Variants in DESI2 observed in about 807,000 individuals in gnomAD.
DESI2 encodes desumoylating isopeptidase 2, also known as deubiquitinase DESI2.
DESI2 carries 10 observed loss-of-function variants against 24.1 expected under a neutral mutation model. That is an observed-to-expected ratio of 0.41 (90% confidence interval 0.26 to 0.70). DESI2 has a LOEUF of 0.70. Ranked by LOEUF, DESI2 falls within the 30% of genes least tolerant of loss-of-function variation. DESI2 has a pLI of 0.29. For missense variants in DESI2, 122 were observed against 234.9 expected (o/e 0.52, Z 3.14); for synonymous variants, 71 against 87.7 (o/e 0.81, Z 1.06).
Position 244,706,072 on chromosome 1 carries a change from C to G in DESI2, c.*283C>G. ...CTCTGTTAAGTTATGTTTACAGTAT[C>G]TTGTATCGCTGTTTACAAATCTTGC... On this transcript the variant is annotated 3_prime_UTR_variant, in exon 5 of 5. Coordinates refer to ENST00000302550, the MANE Select transcript of DESI2 (RefSeq NM_016076.5). 3.0e-6 allele frequency: 1 copy of G among 337,116 alleles called. No individual in the cohort carries two copies. The highest frequency in any genetic ancestry group is 5.5e-6 in the Non-Finnish European group (1 of 180,986). The allele number at this position is 337,116 out of a possible 1,614,324, so 20.9% of individuals were successfully genotyped here. A position where few individuals can be genotyped will look rare whatever the true frequency, so the allele number is the denominator to read the frequency against.
chr1:244,698,600 C>A (rs551626699), intron 4 of DESI2, among the ~76,000 whole-genome samples: 378 of 152,314 alleles, frequency 2.5e-3, no homozygotes, highest in African/African-American at 8.2e-3. Flanking sequence ...ATCCTAGTTG[C>A]TTGGACTTGA....
intron 1 of DESI2, among the ~76,000 whole-genome samples, chr1:244,658,820 A>G (rs535844465): frequency 2.5e-3 from 383 of 152,294 alleles, no homozygotes; most frequent in African/African-American, 8.3e-3. Context: ...GGGGAGGATT[A>G]TAGGAATGGG....
At position 244,669,347 on chromosome 1, in the gene DESI2, A is replaced by C. The variant is rs113232950; in HGVS notation, c.42+15992A>C. On this transcript the variant is annotated intron_variant, in intron 1 of 4. Transcript: ENST00000302550. The stretch of plus-strand genomic sequence containing the variant: ...TACATTTTACTTTCTTCTTTTCAGA[A>C]TCTTAATAAGAAAACCTTTTTATTC... Among the ~76,000 whole-genome samples, 681 of 152,128 alleles carry C rather than the reference A, an allele frequency of 4.5e-3. 6 individuals carry two copies. The highest frequency in any genetic ancestry group is 0.016 in the African/African-American group (660 of 41,520).
At chr1:244,660,043 C>A (rs897863790) in intron 1 of DESI2, among the ~76,000 whole-genome samples, 2 of 152,214 alleles carry the variant, frequency 1.3e-5, no homozygotes, top group Non-Finnish European at 2.9e-5. Context: ...TCCATGGTCA[C>A]ATTTATAATG....
At chr1:244,671,994 A>G (rs957009108) in intron 1 of DESI2, among the ~76,000 whole-genome samples, 1 of 152,198 alleles carries the variant, frequency 6.6e-6, no homozygotes, top group African/African-American at 2.4e-5. Context: ...GATAAAACCA[A>G]GTTACATGAT....
At chr1:244,677,169 CAGTGA>C (rs1676442207) in intron 1 of DESI2, among the ~76,000 whole-genome samples, 1 of 152,078 alleles carries the variant, frequency 6.6e-6, no homozygotes, top group African/African-American at 2.4e-5. Flanking sequence ...TAGAATTTGC[CAGTGA>C]AGTCCCCTGG....
chr1:244,693,723 G>A (rs532261499), intron 4 of DESI2, among the ~76,000 whole-genome samples: 73 of 152,332 alleles, frequency 4.8e-4, no homozygotes, highest in African/African-American at 1.7e-3. Flanking sequence ...GAGCCACGGC[G>A]CCCAGCCTAA....
chr1:244,670,021 A>G (rs1279308919), intron 1 of DESI2, among the ~76,000 whole-genome samples: 1 of 151,932 alleles, frequency 6.6e-6, no homozygotes. Flanking sequence ...CGATGGCACA[A>G]TCTTGGCTCA....
At chr1:244,653,764 C>T (rs1675547595) in intron 1 of DESI2, 3 of 338,448 alleles carry the variant, frequency 8.9e-6, no homozygotes, top group South Asian at 7.2e-5. Context: ...TCCTCTGCTT[C>T]TGCCGAACTG....
chr1:244,678,261 T>C lies in DESI2; in HGVS notation c.43-8336T>C, dbSNP rs1676482976. Among the ~76,000 whole-genome samples, 3 of 152,224 alleles carry C rather than the reference T, an allele frequency of 2.0e-5. No homozygotes were observed. In the South Asian group the frequency reaches 6.2e-4, roughly 31 times the overall value. On this transcript the variant is annotated intron_variant, in intron 1 of 4. Transcript: ENST00000302550. ...TATTTCTCTTGCTTTTAAGTTTCTTTTTACAGTTTTCCCCTTTATAAAATG... is the reference window on the plus strand; with the variant it reads ...TATTTCTCTTGCTTTTAAGTTTCTTCTTACAGTTTTCCCCTTTATAAAATG...
chr1:244,686,535 T>A, intron 1 of DESI2, 62 bp from the exon 2 acceptor site: 2 of 1,022,150 alleles, frequency 2.0e-6, no homozygotes, highest in East Asian at 4.8e-5. Context: ...GTCACTTCTG[T>A]AGCGCGGAGT....
chr1:244,686,720 A>T (rs754983467), intron 2 of DESI2, 51 bp downstream of exon 2: 2 of 1,176,364 alleles, frequency 1.7e-6, no homozygotes, highest in Admixed American at 1.8e-5. Context: ...TGTACTTTAA[A>T]AGAGTTGCAA....
At chr1:244,701,056 A>G (rs1677431470) in intron 4 of DESI2, among the ~76,000 whole-genome samples, 1 of 152,172 alleles carries the variant, frequency 6.6e-6, no homozygotes, top group Non-Finnish European at 1.5e-5. Flanking sequence ...ACAACAATAG[A>G]GGGAAGAACT....
At chr1:244,694,064 T>C (rs1379365559) in intron 4 of DESI2, among the ~76,000 whole-genome samples, 3 of 152,232 alleles carry the variant, frequency 2.0e-5, no homozygotes, top group African/African-American at 7.2e-5. Context: ...CATAAGCAGT[T>C]GCAAATAAGC....
chr1:244,686,994 A>G (rs1463700578), intron 2 of DESI2, among the ~76,000 whole-genome samples: 1 of 152,084 alleles, frequency 6.6e-6, no homozygotes, highest in Non-Finnish European at 1.5e-5. Context: ...TATATATTGG[A>G]GCTCCTAAGA....
At chr1:244,659,816 A>G (rs977116631) in intron 1 of DESI2, among the ~76,000 whole-genome samples, 10 of 152,338 alleles carry the variant, frequency 6.6e-5, no homozygotes, top group Admixed American at 5.2e-4. Context: ...AGTGCCATCT[A>G]TGAAAGGTGT....
intron 2 of DESI2, among the ~76,000 whole-genome samples, chr1:244,686,923 A>G (rs567591971): frequency 5.3e-5 from 8 of 152,310 alleles, no homozygotes; most frequent in Non-Finnish European, 4.4e-5. Context: ...TCTAAATACT[A>G]TGTTTTAAAA....
At chr1:244,684,700 T>C (rs1178674388) in intron 1 of DESI2, among the ~76,000 whole-genome samples, 3 of 152,216 alleles carry the variant, frequency 2.0e-5, no homozygotes, top group African/African-American at 7.2e-5. Flanking sequence ...TCTATTGATA[T>C]TTAGACTTCA....
intron 1 of DESI2, among the ~76,000 whole-genome samples, chr1:244,663,688 G>A (rs903801579): frequency 6.6e-6 from 1 of 152,026 alleles, no homozygotes; most frequent in African/African-American, 2.4e-5. Context: ...AAAGGACATA[G>A]ACAATATGTA....
Sources: gnomAD v4.1 joint callset for allele counts (sites outside exome capture counted in the v4.1 genomes callset) on GRCh38, gnomAD v4.1.1 for gene constraint, MANE v1.5 for transcripts, NCBI Gene and HGNC (gene_info 2026-07-23, HGNC 2026-07-21) for gene names.